The following PDE7B variants were observed in gnomAD, a reference collection of about 807,000 sequenced individuals.
The protein encoded by PDE7B is 3',5'-cyclic-AMP phosphodiesterase 7B.
PDE7B carries 29 observed loss-of-function variants against 56.2 expected under a neutral mutation model. The ratio of observed to expected loss-of-function variants is 0.52; its 90% CI spans 0.38 to 0.70. The LOEUF (loss-of-function observed/expected upper bound fraction) is 0.70. PDE7B is among the 30% of genes least tolerant of loss of function. The pLI, the probability that PDE7B is intolerant of heterozygous loss-of-function variation, is 0.00. For synonymous variants in PDE7B, 197 were observed against 196.9 expected, an observed-to-expected ratio of 1.00 and a Z score of 0.00; for missense variants, 490 against 565.0, an observed-to-expected ratio of 0.87 and a Z score of 1.35.
At chr6:136,105,094 C>T (rs1230481774) in intron 2 of PDE7B, among the ~76,000 whole-genome samples, 1 of 152,188 alleles carries the variant, frequency 6.6e-6, no homozygotes, top group Non-Finnish European at 1.5e-5. Context: ...TTAATAATTG[C>T]TTTCTTACTT....
intron 1 of PDE7B, among the ~76,000 whole-genome samples, chr6:135,942,752 T>G (rs1201942534): frequency 1.3e-5 from 2 of 152,174 alleles, no homozygotes; most frequent in East Asian, 3.8e-4. Context: ...ACAGTATTTG[T>G]CTTTCTGTAC....
chr6:136,044,765 A>G (rs934017680), intron 2 of PDE7B: 3 of 152,234 alleles, frequency 2.0e-5, no homozygotes, highest in Non-Finnish European at 1.5e-5. Context: ...CTTCTTCTAC[A>G]GATAACAGTC....
chr6:135,915,501 G>A lies in PDE7B; in HGVS notation c.22-31963G>A, dbSNP rs902675774. Among the ~76,000 whole-genome samples, 13 of 152,172 alleles carry A rather than the reference G, an allele frequency of 8.5e-5. 1 individual carries two copies. Among genetic ancestry groups the A allele is most frequent in the African/African-American group, 2.9e-4 (12 of 41,448 alleles). On this transcript the variant is annotated intron_variant, in intron 1 of 12. Coordinates refer to ENST00000308191, the MANE Select transcript of PDE7B (RefSeq NM_018945.4). ...ATTCCTGTAGGCAAGTCTAATAGGTGTATCTCATTGTGGGTTTAATTTGCA... is the reference window on the plus strand; with the variant it reads ...ATTCCTGTAGGCAAGTCTAATAGGTATATCTCATTGTGGGTTTAATTTGCA...
intron 2 of PDE7B, among the ~76,000 whole-genome samples, chr6:136,017,687 C>G (rs999680341): frequency 1.3e-5 from 2 of 152,062 alleles, no homozygotes; most frequent in Non-Finnish European, 2.9e-5. Context: ...GGTCTTTTTT[C>G]TATCATATAT....
intron 1 of PDE7B, among the ~76,000 whole-genome samples, chr6:135,878,022 C>T (rs779933811): frequency 6.6e-6 from 1 of 152,096 alleles, no homozygotes; most frequent in Non-Finnish European, 1.5e-5. Context: ...TTCCAGAGTT[C>T]TGGGGAAAGG....
chr6:136,186,797 A>G (rs1398185025), intron 11 of PDE7B, among the ~76,000 whole-genome samples: 1 of 152,224 alleles, frequency 6.6e-6, no homozygotes, highest in Admixed American at 6.5e-5. Flanking sequence ...GTCCCAGAGC[A>G]CACCTACTAG....
intron 1 of PDE7B, among the ~76,000 whole-genome samples, chr6:135,896,831 T>C (rs1775910714): frequency 6.6e-6 from 1 of 152,098 alleles, no homozygotes; most frequent in Non-Finnish European, 1.5e-5. Context: ...TCCTTCCAGC[T>C]CCTTCCTTCC....
At chr6:136,026,585 C>T (rs1026912281) in intron 2 of PDE7B, among the ~76,000 whole-genome samples, 4 of 152,174 alleles carry the variant, frequency 2.6e-5, no homozygotes, top group African/African-American at 9.7e-5. Flanking sequence ...TATACAATAT[C>T]CCAACCACAC....
intron 2 of PDE7B, among the ~76,000 whole-genome samples, chr6:135,983,212 C>T (rs534320041): frequency 3.0e-4 from 45 of 152,022 alleles, no homozygotes; most frequent in Non-Finnish European, 3.8e-4. Flanking sequence ...CTGGAGAAAC[C>T]GTGGATACTG....
chr6:135,909,140 A>AT (rs938344641), intron 1 of PDE7B, among the ~76,000 whole-genome samples: 92 of 152,228 alleles, frequency 6.0e-4, no homozygotes, highest in Admixed American at 5.9e-4. Flanking sequence ...GGGGCATGTA[A>AT]AATTGTTGTT....
chr6:136,192,118 A>G lies in PDE7B; in HGVS notation c.*278A>G. The stretch of plus-strand genomic sequence containing the variant: ...GCTCTCCCTGCTCCAGGAGAAGACT[A>G]GGAGGAAGAATGAGGTGCTCCTGCC... On this transcript the variant is annotated 3_prime_UTR_variant, in exon 13 of 13. Transcript: ENST00000308191. 6.4e-6 allele frequency: 3 copies of G among 468,922 alleles called. No individual in the cohort carries two copies. The highest frequency in any genetic ancestry group is 4.6e-5 in the South Asian group (2 of 43,600). The allele number at this position is 468,922 out of a possible 1,614,324, so 29.0% of individuals were successfully genotyped here. A position where few individuals can be genotyped will look rare whatever the true frequency, so the allele number is the denominator to read the frequency against.
At chr6:135,885,994 G>A (rs2128189470) in intron 1 of PDE7B, among the ~76,000 whole-genome samples, 1 of 152,242 alleles carries the variant, frequency 6.6e-6, no homozygotes, top group South Asian at 2.1e-4. Context: ...TGTCAGCTTT[G>A]AGCAAAACGT....
chr6:135,875,426 T>G (rs562393312), intron 1 of PDE7B, among the ~76,000 whole-genome samples: 2 of 152,170 alleles, frequency 1.3e-5, no homozygotes, highest in African/African-American at 4.8e-5. Context: ...ATAAATAAAT[T>G]TATGTGTATT....
intron 2 of PDE7B, among the ~76,000 whole-genome samples, chr6:135,986,049 C>T (rs1419597615): frequency 6.6e-6 from 1 of 152,148 alleles, no homozygotes; most frequent in African/African-American, 2.4e-5. Context: ...ATAGAAGGCA[C>T]TCATATTGCT....
chr6:135,967,082 A>C (rs1482079942), intron 2 of PDE7B, among the ~76,000 whole-genome samples: 1 of 152,176 alleles, frequency 6.6e-6, no homozygotes, highest in Non-Finnish European at 1.5e-5. Context: ...ATCAGCCTGG[A>C]ACCTGGGCCT....
chr6:136,167,615 C>CT (rs1167813598), intron 8 of PDE7B, among the ~76,000 whole-genome samples: 1 of 152,170 alleles, frequency 6.6e-6, no homozygotes, highest in African/African-American at 2.4e-5. Context: ...TTGGGTATGT[C>CT]TTTATCAGTA....
chr6:136,138,202 A>G (rs1169061606), intron 3 of PDE7B, among the ~76,000 whole-genome samples: 1 of 152,158 alleles, frequency 6.6e-6, no homozygotes, highest in East Asian at 1.9e-4. Context: ...GATTTAGCTT[A>G]GCTAATCATT....
chr6:136,174,896 A>G (rs1778951322), intron 9 of PDE7B, among the ~76,000 whole-genome samples: 1 of 152,196 alleles, frequency 6.6e-6, no homozygotes, highest in Admixed American at 6.5e-5. Context: ...TAAATTGCAA[A>G]GATTGAAAGA....
At chr6:136,083,627 G>A (rs1205970262) in intron 2 of PDE7B, among the ~76,000 whole-genome samples, 8 of 152,076 alleles carry the variant, frequency 5.3e-5, no homozygotes, top group Admixed American at 5.2e-4. Context: ...CAAACCCAAT[G>A]GTTTGGAAAA....
Sources: gnomAD v4.1 joint callset for allele counts (sites outside exome capture counted in the v4.1 genomes callset) on GRCh38, gnomAD v4.1.1 for gene constraint, MANE v1.5 for transcripts, NCBI Gene and HGNC (gene_info 2026-07-23, HGNC 2026-07-21) for gene names.